Variants in OTOF observed in about 807,000 individuals in gnomAD.
OTOF encodes otoferlin, also known as fer-1-like family member 2.
OTOF carries 218 observed loss-of-function variants against 236.8 expected under a neutral mutation model. That is an observed-to-expected ratio of 0.92 (90% CI 0.82 to 1.03). The LOEUF (loss-of-function observed/expected upper bound fraction) is 1.03, where lower values mean the gene tolerates loss of function less well. Ranked by LOEUF, OTOF falls within the 50% of genes least tolerant of loss-of-function variation. OTOF has a pLI of 0.00. For synonymous variants in OTOF, 1,041 were observed against 1,072.5 expected, an observed-to-expected ratio of 0.97 and a Z score of 0.57; for missense variants, 2,590 against 2,694.4, an observed-to-expected ratio of 0.96 and a Z score of 0.86.
At chr2:26,493,345 C>A (rs1665893603) in intron 9 of OTOF, among the ~76,000 whole-genome samples, 1 of 152,166 alleles carries the variant, frequency 6.6e-6, no homozygotes, top group Admixed American at 6.5e-5. Context: ...CCCCAAGCTA[C>A]AGGGGGCACC....
chr2:26,474,275 CA>C (rs1336992803), intron 26 of OTOF, among the ~76,000 whole-genome samples, 165 bp from the exon 27 acceptor site: 19 of 150,632 alleles, frequency 1.3e-4, no homozygotes, highest in Middle Eastern at 3.4e-3. Context: ...CCCCAGCCCC[CA>C]GGCCCCAGCT....
intron 2 of OTOF, among the ~76,000 whole-genome samples, chr2:26,532,092 C>CAAAAAAAAAAAAAAAAAAAAAA (rs150580671): frequency 3.7e-5 from 3 of 80,198 alleles, no homozygotes; most frequent in African/African-American, 1.9e-4. Context: ...GACTCCACCT[C>CAAAAAAAAAAAAAAAAAAAAAA]AAAAAAAAAA....
At chr2:26,518,978 G>A in intron 4 of OTOF, 32 bp downstream of exon 4, 1 of 1,501,038 alleles carries the variant, frequency 6.7e-7, no homozygotes, top group East Asian at 2.3e-5. Flanking sequence ...CCCCATATGG[G>A]AAAGTCCAGG....
intron 5 of OTOF, among the ~76,000 whole-genome samples, chr2:26,516,085 G>A (rs1052610472): frequency 3.3e-5 from 5 of 152,170 alleles, no homozygotes; most frequent in African/African-American, 1.2e-4. Flanking sequence ...GAGAGGCCAG[G>A]GGCCCTCCTA....
chr2:26,460,215 G>A lies in OTOF; in HGVS notation c.5814-10C>T. The A allele has an allele frequency of 1.3e-6, 2 of 1,595,730 alleles. No individual in the cohort carries two copies. Among genetic ancestry groups the A allele is most frequent in the East Asian group, 2.3e-5 (1 of 44,284 alleles). The stretch of plus-strand genomic sequence containing the variant: ...GCTCGTGTCGGGCCGGCTGGAGTAT[G>A]AAGGGTAGAGAGCGCAGAGGAGGGA... On this transcript the variant is annotated splice_polypyrimidine_tract_variant and intron_variant, in intron 45 of 46. Coordinates refer to ENST00000272371, the MANE Select transcript of OTOF (RefSeq NM_194248.3). The surrounding 1 kb of genome is among the most constrained non-coding windows in gnomAD (Gnocchi z 5.3).
At position 26,466,752 on chromosome 2, in the gene OTOF, C is replaced by T. The variant is rs183627999; in HGVS notation, c.4462G>A (p.Asp1488Asn). ...YGMFQGIPSN[D>N]PINVLVRVYV... is the part of the protein sequence containing the mutation. ...ACTCGGACCAGCACATTGATGGGGT[C>T]ATTGCTCGGGATGCCCTGGAACATG... Residue 1488 changes from aspartate (D) to asparagine (N), a missense_variant, in exon 36 of 47, where the codon GAC (aspartate) becomes AAC (asparagine). Physicochemically the swap from Asp to Asn is conservative, Grantham distance 23. Coordinates refer to ENST00000272371, the MANE Select transcript of OTOF (RefSeq NM_194248.3). 2 of 1,614,218 alleles carry T rather than the reference C, an allele frequency of 1.2e-6. No individual in the cohort carries two copies. The highest frequency in any genetic ancestry group is 3.3e-5 in the Admixed American group (2 of 60,032).
intron 1 of OTOF, among the ~76,000 whole-genome samples, chr2:26,539,802 GA>G (rs2148125069): frequency 6.6e-6 from 1 of 152,258 alleles, no homozygotes; most frequent in East Asian, 1.9e-4. Context: ...AGAAGATATT[GA>G]AAGCAGCATA....
Position 26,476,253 on chromosome 2 carries a change from A to G in OTOF, c.2741T>C (p.Leu914Pro). 1 of 1,607,718 alleles carries G rather than the reference A, an allele frequency of 6.2e-7. No individual in the cohort carries two copies. ...WTVQAKVELY[L>P]WLGLSKQRKE... is the part of the protein sequence containing the mutation. Reference sequence around the variant, plus strand: ...GCGCTGTTTGCTGAGGCCCAGCCACAGGTACAGCTCCACCTTGGCCTGCAC... The same window carrying G: ...GCGCTGTTTGCTGAGGCCCAGCCACGGGTACAGCTCCACCTTGGCCTGCAC... The change falls in exon 23 of 47, where the codon CTG (leucine) becomes CCG (proline). Residue 914 changes from leucine to proline, a missense_variant. Around this residue, in one of 2 missense-constraint regions of OTOF, gnomAD observed 1,379 missense variants for 1,341.6 expected, o/e 1.03. Transcript: ENST00000272371.
At chr2:26,547,645 G>A (rs1210275238) in intron 1 of OTOF, among the ~76,000 whole-genome samples, 2 of 152,108 alleles carry the variant, frequency 1.3e-5, no homozygotes, top group Non-Finnish European at 2.9e-5. Context: ...AGACCAGCCT[G>A]GCCAACATGG....
chr2:26,554,370 G>C (rs1006065957), intron 1 of OTOF, among the ~76,000 whole-genome samples: 2 of 152,048 alleles, frequency 1.3e-5, no homozygotes, highest in Non-Finnish European at 2.9e-5. Flanking sequence ...GAGTGACAGT[G>C]CCACAGTGGA....
intron 2 of OTOF, among the ~76,000 whole-genome samples, chr2:26,529,456 G>T (rs1258464220): frequency 3.9e-5 from 6 of 152,208 alleles, no homozygotes; most frequent in African/African-American, 1.4e-4. Flanking sequence ...AATGGCCGGA[G>T]AGGTGGGTAA....
chr2:26,511,932 T>C (rs1322647045), intron 5 of OTOF, among the ~76,000 whole-genome samples: 1 of 152,140 alleles, frequency 6.6e-6, no homozygotes, highest in East Asian at 1.9e-4. Flanking sequence ...ATGCACACAC[T>C]TCTGCATGCC....
At chr2:26,504,735 C>A (rs1220236802) in intron 5 of OTOF, among the ~76,000 whole-genome samples, 1 of 152,160 alleles carries the variant, frequency 6.6e-6, no homozygotes, top group Non-Finnish European at 1.5e-5. Context: ...CACCAGGAAG[C>A]CCCAGGAGCA....
At chr2:26,523,732 T>C (rs745353031) in intron 3 of OTOF, among the ~76,000 whole-genome samples, 3 of 152,234 alleles carry the variant, frequency 2.0e-5, no homozygotes, top group Non-Finnish European at 2.9e-5. Context: ...TGCCAGGCAC[T>C]GTCCCCAGCA....
intron 24 of OTOF, among the ~76,000 whole-genome samples, 167 bp downstream of exon 24, chr2:26,475,747 C>T (rs950832197): frequency 5.9e-5 from 9 of 152,172 alleles, no homozygotes; most frequent in Non-Finnish European, 8.8e-5. Context: ...GTGTGACCCG[C>T]GTCTGCTGCA....
At chr2:26,530,015 T>C (rs537939268) in intron 2 of OTOF, among the ~76,000 whole-genome samples, 3 of 137,624 alleles carry the variant, frequency 2.2e-5, no homozygotes, top group East Asian at 2.0e-4. Flanking sequence ...TGCAGGGAAA[T>C]AAAGCAGCCC....
At position 26,460,716 on chromosome 2, in the gene OTOF, G is replaced by A. The variant is rs1558464884; in HGVS notation, c.5744C>T (p.Thr1915Ile). The change falls in exon 45 of 47, where the codon ACA becomes ATA. Residue 1915 changes from threonine to isoleucine, a missense_variant. Transcript: ENST00000272371. The surrounding 1 kb of genome is among the most constrained non-coding windows in gnomAD (Gnocchi z 5.3). ...TGGGTTCTTCTCTGCCTCCTCTGCTGTCAGTAAATGCAGCTCAGCCTCCAC... is the reference window on the plus strand; with the variant it reads ...TGGGTTCTTCTCTGCCTCCTCTGCTATCAGTAAATGCAGCTCAGCCTCCAC... Reference protein sequence around the residue: ...GKVEAELHLLTAEEAEKNPVG... With the variant: ...GKVEAELHLLIAEEAEKNPVG... The A allele has an allele frequency of 4.3e-6, 7 of 1,614,008 alleles. No individual in the cohort carries two copies. The highest frequency in any genetic ancestry group is 5.1e-6 in the Non-Finnish European group (6 of 1,179,982).
At chr2:26,524,284 T>C (rs1355963126) in intron 3 of OTOF, among the ~76,000 whole-genome samples, 2 of 152,212 alleles carry the variant, frequency 1.3e-5, no homozygotes, top group Non-Finnish European at 2.9e-5. Flanking sequence ...GAGGCAGGTC[T>C]ATTACCTGAA....
chr2:26,466,683 T>C, intron 36 of OTOF, 31 bp downstream of exon 36: 4 of 1,613,704 alleles, frequency 2.5e-6, no homozygotes, highest in Non-Finnish European at 3.4e-6. Context: ...ATGAGGAGAC[T>C]TGCAAGGAGG....
Sources: gnomAD v4.1 joint callset for allele counts (sites outside exome capture counted in the v4.1 genomes callset) on GRCh38, gnomAD v4.1.1 for gene constraint, gnomAD v4.1.1 regional missense constraint, Gnocchi (gnomAD v3.1) non-coding constraint, MANE v1.5 for transcripts, NCBI Gene and HGNC (gene_info 2026-07-23, HGNC 2026-07-21) for gene names.